Variants in AUTS2 observed in about 807,000 individuals in gnomAD.
AUTS2 encodes the protein activator of transcription and developmental regulator AUTS2.
AUTS2 carries 17 observed loss-of-function variants against 112.4 expected under a neutral mutation model. That is an observed-to-expected ratio of 0.15 (90% CI 0.10 to 0.23). The LOEUF is 0.23. Ranked by LOEUF, AUTS2 falls within the 10% of genes least tolerant of loss-of-function variation. The pLI is 1.00. For missense variants in AUTS2, 1,510 were observed against 1,701.6 expected, an observed-to-expected ratio of 0.89 and a Z score of 1.98; for synonymous variants, 751 against 702.7, an observed-to-expected ratio of 1.07 and a Z score of -1.09.
intron 1 of AUTS2, among the ~76,000 whole-genome samples, chr7:69,619,247 A>G (rs1258760961): frequency 2.6e-5 from 4 of 152,192 alleles, no homozygotes; most frequent in Admixed American, 2.0e-4. Flanking sequence ...ATATATTTAC[A>G]TATTCATTAC....
At chr7:70,280,398 C>G (rs1161797161) in intron 4 of AUTS2, among the ~76,000 whole-genome samples, 1 of 151,096 alleles carries the variant, frequency 6.6e-6, no homozygotes, top group African/African-American at 2.4e-5. Flanking sequence ...ATTCTCATGC[C>G]TCAGCCTCCT....
chr7:69,758,287 G>A (rs999444954), intron 1 of AUTS2, among the ~76,000 whole-genome samples: 3 of 152,142 alleles, frequency 2.0e-5, no homozygotes, highest in African/African-American at 7.2e-5. Context: ...TCTTTAGTTG[G>A]TTGCTGCTGC....
chr7:70,652,422 A>G (rs953206030), intron 5 of AUTS2, among the ~76,000 whole-genome samples: 2 of 152,204 alleles, frequency 1.3e-5, no homozygotes, highest in Non-Finnish European at 2.9e-5. Context: ...GTTAGAGGGA[A>G]AAGAATTGAC....
intron 1 of AUTS2, among the ~76,000 whole-genome samples, chr7:69,784,135 C>A (rs1789263365): frequency 6.6e-6 from 1 of 152,162 alleles, no homozygotes; most frequent in Non-Finnish European, 1.5e-5. Flanking sequence ...ACATGGAGGG[C>A]CTGGATTCCA....
At chr7:70,197,510 C>T (rs1230081357) in intron 4 of AUTS2, among the ~76,000 whole-genome samples, 8 of 132,592 alleles carry the variant, frequency 6.0e-5, no homozygotes, top group Admixed American at 4.7e-4. Context: ...CGAAGCAGGG[C>T]GAGGCATTGC....
chr7:70,439,454 G>T (rs1225092266), intron 5 of AUTS2, among the ~76,000 whole-genome samples: 1 of 150,616 alleles, frequency 6.6e-6, no homozygotes, highest in Non-Finnish European at 1.5e-5. Context: ...CAGGGGAATT[G>T]CTTGAACCCG....
intron 5 of AUTS2, among the ~76,000 whole-genome samples, chr7:70,581,104 C>G (rs140872865): frequency 6.6e-6 from 1 of 152,020 alleles, no homozygotes; most frequent in Non-Finnish European, 1.5e-5. Flanking sequence ...AAAATAAGGC[C>G]GGGCGTAGTG....
At chr7:69,848,668 T>C (rs1218267276) in intron 1 of AUTS2, among the ~76,000 whole-genome samples, 2 of 152,200 alleles carry the variant, frequency 1.3e-5, no homozygotes, top group Non-Finnish European at 2.9e-5. Context: ...CAATATTTGT[T>C]GGATTACATT....
At chr7:69,714,293 A>AGACC (rs1554352460) in intron 1 of AUTS2, among the ~76,000 whole-genome samples, 2 of 128,804 alleles carry the variant, frequency 1.6e-5, no homozygotes, top group Non-Finnish European at 3.2e-5. Flanking sequence ...GTGTGTGTAG[A>AGACC]GACCAAGTCT....
chr7:70,481,148 G>A (rs1797772333), intron 5 of AUTS2, among the ~76,000 whole-genome samples: 1 of 152,186 alleles, frequency 6.6e-6, no homozygotes, highest in South Asian at 2.1e-4. Flanking sequence ...GGGAGGCAAG[G>A]AAAGCAGTTA....
At chr7:70,027,027 G>T (rs1370457514) in intron 2 of AUTS2, among the ~76,000 whole-genome samples, 1 of 151,770 alleles carries the variant, frequency 6.6e-6, no homozygotes, top group Non-Finnish European at 1.5e-5. Flanking sequence ...GACATATTCA[G>T]TACTTTATTA....
intron 1 of AUTS2, among the ~76,000 whole-genome samples, chr7:69,854,635 A>C (rs970632435): frequency 6.6e-6 from 1 of 152,080 alleles, no homozygotes; most frequent in Non-Finnish European, 1.5e-5. Flanking sequence ...CTTCCAATTG[A>C]TTCATCTTTA....
chr7:70,050,355 CAAAAAAAAA>C (rs60714093), intron 2 of AUTS2, among the ~76,000 whole-genome samples: 1 of 72,864 alleles, frequency 1.4e-5, no homozygotes, highest in African/African-American at 5.4e-5. Context: ...GACTCTGTCT[CAAAAAAAAA>C]AAAAAAAAAA....
intron 4 of AUTS2, among the ~76,000 whole-genome samples, chr7:70,254,939 C>G (rs1786781620): frequency 6.6e-6 from 1 of 152,114 alleles, no homozygotes; most frequent in Admixed American, 6.5e-5. Flanking sequence ...CCTTTCCCTT[C>G]TAACATAACA....
At chr7:69,858,715 G>A (rs1391816513) in intron 1 of AUTS2, among the ~76,000 whole-genome samples, 1 of 152,188 alleles carries the variant, frequency 6.6e-6, no homozygotes, top group African/African-American at 2.4e-5. Flanking sequence ...AGGAAGAGGA[G>A]TGAAAGTACT....
intron 1 of AUTS2, among the ~76,000 whole-genome samples, chr7:69,786,245 G>A (rs1428603093): frequency 6.6e-6 from 1 of 152,176 alleles, no homozygotes; most frequent in East Asian, 1.9e-4. Flanking sequence ...TCTAGCTAAA[G>A]GATTGTAAAT....
chr7:69,695,722 T>C (rs1238263738), intron 1 of AUTS2, among the ~76,000 whole-genome samples: 1 of 152,244 alleles, frequency 6.6e-6, no homozygotes, highest in Non-Finnish European at 1.5e-5. Flanking sequence ...TTTTCTGTTT[T>C]AGTGAAGCAT....
At chr7:70,585,220 G>A (rs1409700989) in intron 5 of AUTS2, among the ~76,000 whole-genome samples, 1 of 152,118 alleles carries the variant, frequency 6.6e-6, no homozygotes, top group Non-Finnish European at 1.5e-5. Flanking sequence ...TCCTGCAGGG[G>A]GCAAACTGTC....
At position 70,492,757 on chromosome 7, in the gene AUTS2, G is replaced by C. The variant is rs547125899; in HGVS notation, c.690+56976G>C. Among the ~76,000 whole-genome samples, 13 of 152,242 alleles carry C rather than the reference G, an allele frequency of 8.5e-5. No homozygotes were observed. In the South Asian group the frequency reaches 2.7e-3, roughly 32 times the overall value. ...CTACGTGACCCCCTCTTGGCAAGAC[G>C]AAAGGCCTTGGCTTGGAGCAAGATG... On this transcript the variant is annotated intron_variant, in intron 5 of 18. Transcript: ENST00000342771.
Sources: gnomAD v4.1 joint callset for allele counts (sites outside exome capture counted in the v4.1 genomes callset) on GRCh38, gnomAD v4.1.1 for gene constraint, MANE v1.5 for transcripts, NCBI Gene and HGNC (gene_info 2026-07-23, HGNC 2026-07-21) for gene names.